FBXL5: variants seen among roughly 807,000 people sequenced by gnomAD.
FBXL5 encodes F-box and leucine rich repeat protein 5, also known as F-box/LRR-repeat protein 5.
In FBXL5, 26 loss-of-function variants were observed where a neutral mutation model predicts 78.3. That is an observed-to-expected ratio of 0.33 (90% CI 0.24 to 0.46). The LOEUF (loss-of-function observed/expected upper bound fraction) is 0.46, where lower values mean the gene tolerates loss of function less well. Ranked by LOEUF, FBXL5 falls within the 20% of genes least tolerant of loss-of-function variation. The pLI is 1.00. For synonymous variants in FBXL5, 295 were observed against 282.5 expected, an observed-to-expected ratio of 1.04 and a Z score of -0.45; for missense variants, 710 against 829.2, an observed-to-expected ratio of 0.86 and a Z score of 1.77.
At chr4:15,654,143 A>AAC (rs927300217) in intron 1 of FBXL5, among the ~76,000 whole-genome samples, 4 of 152,210 alleles carry the variant, frequency 2.6e-5, no homozygotes, top group Non-Finnish European at 5.9e-5. Context: ...CTGAGCTATG[A>AAC]AACACCCCTC....
intron 9 of FBXL5, among the ~76,000 whole-genome samples, chr4:15,620,748 C>T (rs977987369): frequency 2.0e-5 from 3 of 152,224 alleles, no homozygotes; most frequent in African/African-American, 4.8e-5. Flanking sequence ...GCTGGAAGGT[C>T]GGGGGTTTAC....
chr4:15,678,648 ATTAAT>A (rs1718082474), intron 1 of FBXL5, among the ~76,000 whole-genome samples: 1 of 152,240 alleles, frequency 6.6e-6, no homozygotes, highest in Admixed American at 6.5e-5. Context: ...TAGGTAGAGC[ATTAAT>A]TTAAGTATAT....
chr4:15,605,838 T>C, intron 10 of FBXL5, 39 bp from the exon 11 acceptor site: 1 of 1,493,830 alleles, frequency 6.7e-7, no homozygotes, highest in Non-Finnish European at 9.2e-7. Flanking sequence ...AGGAATTTCT[T>C]AGAGATCACA....
upstream of FBXL5, chr4:15,655,444 A>G (rs1716794965): frequency 2.1e-6 from 2 of 965,962 alleles, no homozygotes; most frequent in Non-Finnish European, 2.5e-6. Flanking sequence ...GGGGGCGCGC[A>G]GGCCGCCGCC....
intron 5 of FBXL5, among the ~76,000 whole-genome samples, chr4:15,635,722 T>C (rs1318701812): frequency 6.7e-6 from 1 of 150,126 alleles, no homozygotes; most frequent in African/African-American, 2.5e-5. Flanking sequence ...CATTGCACTC[T>C]TGCCTGGGCA....
At chr4:15,673,231 C>G (rs1199921296) in intron 1 of FBXL5, among the ~76,000 whole-genome samples, 1 of 152,062 alleles carries the variant, frequency 6.6e-6, no homozygotes, top group Non-Finnish European at 1.5e-5. Context: ...CTTGAGCCCA[C>G]AAGTTTGAAA....
exon 1 of FBXL5, chr4:15,681,475 C>A: frequency 6.0e-6 from 1 of 166,624 alleles, no homozygotes; most frequent in South Asian, 1.7e-4. Flanking sequence ...CTCTGGGACT[C>A]TGTCCGGACT....
At chr4:15,674,201 C>T (rs1441994782) in intron 1 of FBXL5, among the ~76,000 whole-genome samples, 4 of 136,096 alleles carry the variant, frequency 2.9e-5, no homozygotes, top group Admixed American at 1.5e-4. Context: ...TCAAATGCAT[C>T]GTGTTTTTTT....
At chr4:15,627,096 A>C (rs538690012) in intron 7 of FBXL5, 141 bp from the exon 8 acceptor site, 1 of 474,720 alleles carries the variant, frequency 2.1e-6, no homozygotes, top group South Asian at 4.1e-5. Context: ...AAAAAAGTAT[A>C]ATAAAATATT....
At chr4:15,627,227 C>T (rs1162025249) in intron 7 of FBXL5, among the ~76,000 whole-genome samples, 1 of 150,328 alleles carries the variant, frequency 6.7e-6, no homozygotes, top group African/African-American at 2.5e-5. Flanking sequence ...CTCCGCCTTC[C>T]GGGTTCAAGC....
intron 9 of FBXL5, among the ~76,000 whole-genome samples, chr4:15,619,225 C>T (rs1037143763): frequency 6.6e-6 from 1 of 152,080 alleles, no homozygotes; most frequent in African/African-American, 2.4e-5. Context: ...TCTATGAAAC[C>T]AGTATTATCA....
rs966649576 is a variant in FBXL5, at chr4:15,651,502, G to A, written c.84+3702C>T. ...TAAATTCCCTTTTCCTTCTTCCACA[G>A]GTCTCAATTCAATATTTTCTCCACT... On this transcript the variant is annotated intron_variant, in intron 1 of 10. Transcript: ENST00000341285. 1.5e-4 allele frequency among the ~76,000 whole-genome samples: 23 copies of A among 152,032 alleles called. 1 individual carries two copies. The highest frequency in any genetic ancestry group is 5.3e-4 in the African/African-American group (22 of 41,372).
At chr4:15,651,729 TC>T (rs1716084994) in intron 1 of FBXL5, among the ~76,000 whole-genome samples, 2 of 152,184 alleles carry the variant, frequency 1.3e-5, no homozygotes, top group Non-Finnish European at 2.9e-5. Flanking sequence ...ATAAATAAAT[TC>T]TTTCATAAAA....
chr4:15,657,130 ATTTT>A (rs1299679898), upstream of FBXL5, among the ~76,000 whole-genome samples: 1 of 152,052 alleles, frequency 6.6e-6, no homozygotes, highest in Admixed American at 6.6e-5. Context: ...TTGCCTCTAT[ATTTT>A]TTAATAACCT....
At chr4:15,638,902 C>T (rs994263592) in intron 3 of FBXL5, among the ~76,000 whole-genome samples, 6 of 152,170 alleles carry the variant, frequency 3.9e-5, no homozygotes, top group African/African-American at 1.4e-4. Flanking sequence ...CGGTGGCTAA[C>T]ACCTGTAATC....
At chr4:15,647,021 G>A (rs1322826712) in intron 1 of FBXL5, among the ~76,000 whole-genome samples, 2 of 151,316 alleles carry the variant, frequency 1.3e-5, no homozygotes, top group Non-Finnish European at 1.5e-5. Flanking sequence ...TCAGGAGTTC[G>A]AGACCAGCCT....
At chr4:15,607,253 A>G (rs1721953038) in intron 10 of FBXL5, among the ~76,000 whole-genome samples, 2 of 152,204 alleles carry the variant, frequency 1.3e-5, no homozygotes, top group South Asian at 4.1e-4. Context: ...GTACATGAGG[A>G]TTCGTTGTAT....
intron 6 of FBXL5, 75 bp from the exon 7 acceptor site, chr4:15,628,108 G>A: frequency 7.3e-7 from 1 of 1,367,530 alleles, no homozygotes; most frequent in Non-Finnish European, 1.0e-6. Flanking sequence ...TCACCAAATT[G>A]TTAAATATGA....
chr4:15,677,031 A>G (rs2148827132), intron 1 of FBXL5, among the ~76,000 whole-genome samples: 1 of 152,352 alleles, frequency 6.6e-6, no homozygotes, highest in South Asian at 2.1e-4. Context: ...CGTTTATATT[A>G]AGGTCAAAAA....
Sources: gnomAD v4.1 joint callset for allele counts (sites outside exome capture counted in the v4.1 genomes callset) on GRCh38, gnomAD v4.1.1 for gene constraint, MANE v1.5 for transcripts, NCBI Gene and HGNC (gene_info 2026-07-23, HGNC 2026-07-21) for gene names.